Variants in HIF3A observed in about 807,000 individuals in gnomAD.
The protein encoded by HIF3A is hypoxia-inducible factor 3-alpha.
Under a neutral mutation model 67.2 loss-of-function variants are expected in HIF3A, and 41 were observed. That is an observed-to-expected ratio of 0.61 (90% CI 0.48 to 0.79). The LOEUF (loss-of-function observed/expected upper bound fraction) is 0.79, where lower values mean the gene tolerates loss of function less well. Ranked by LOEUF, HIF3A falls within the 30% of genes least tolerant of loss-of-function variation. The pLI is 0.00. For synonymous variants in HIF3A, 356 were observed against 374.8 expected (o/e 0.95, Z 0.58); for missense variants, 855 against 898.0 (o/e 0.95, Z 0.61).
In HIF3A at chr19:46,329,171, A is replaced by G. The variant is rs143740052; in HGVS notation, c.1441-36A>G. On this transcript the variant is annotated intron_variant, in intron 11 of 14. Coordinates refer to ENST00000377670, the MANE Select transcript of HIF3A (RefSeq NM_152795.4). The stretch of plus-strand genomic sequence containing the variant: ...TTCAGCCAAGGTCCACCCAAGTCCA[A>G]GGCTCATCCTCTTACCTCCCTCCTG... 5.0e-5 allele frequency: 77 copies of G among 1,553,606 alleles called. No individual in the cohort carries two copies. The East Asian group carries it at 6.1e-4, about 12-fold the overall frequency.
At chr19:46,334,133 C>T (rs535063589) in intron 13 of HIF3A, among the ~76,000 whole-genome samples, 1 of 151,058 alleles carries the variant, frequency 6.6e-6, no homozygotes, top group Non-Finnish European at 1.5e-5. Flanking sequence ...ACTCTGTCTA[C>T]CAGGCTAGAG....
intron 13 of HIF3A, among the ~76,000 whole-genome samples, chr19:46,333,152 A>C (rs960868774): frequency 2.6e-5 from 4 of 152,170 alleles, no homozygotes. Context: ...TTTAATCCCC[A>C]CAACTACTAT....
In HIF3A at chr19:46,342,516, A is replaced by G. The variant is rs1483400920; in HGVS notation, c.*2894A>G. 1 of 152,054 alleles carries G rather than the reference A, an allele frequency of 6.6e-6. No homozygotes were observed. Among genetic ancestry groups the G allele is most frequent in the Non-Finnish European group, 1.5e-5 (1 of 68,032 alleles). The allele number at this position is 152,054 out of a possible 1,614,324, so 9.4% of individuals were successfully genotyped here. ...TCACCAAAGTGCTGGGACTACAGGC[A>G]TGAGCCACTGAGCCCAGCCAGGCTT... On this transcript the variant is annotated 3_prime_UTR_variant, in exon 15 of 15. Coordinates refer to ENST00000377670, the MANE Select transcript of HIF3A (RefSeq NM_152795.4).
In HIF3A at chr19:46,329,213, G is replaced by A. The variant is rs747548356; in HGVS notation, c.1447G>A (p.Asp483Asn). 7 of 1,604,852 alleles carry A rather than the reference G, an allele frequency of 4.4e-6. No individual in the cohort carries two copies. The East Asian group carries it at 1.6e-4, about 36-fold the overall frequency. Reference protein sequence around the residue: ...ETDLDIAQDADALDLEMLAPY... With the variant: ...ETDLDIAQDANALDLEMLAPY... Reference sequence around the variant, plus strand: ...TCCCTCCTGCCCTCCGCAGGATGCTGATGCTCTGGATTTGGAGATGCTGGC... The same window carrying A: ...TCCCTCCTGCCCTCCGCAGGATGCTAATGCTCTGGATTTGGAGATGCTGGC... The change falls in exon 12 of 15, where the codon GAT (aspartate) becomes AAT (asparagine). Residue 483 changes from aspartate (D) to asparagine (N), a missense_variant. By Grantham distance (23) the Asp-to-Asn change is conservative. This residue lies in a region of HIF3A where 638 missense variants were observed against 660.5 expected (regional missense o/e 0.97). Transcript: ENST00000377670.
chr19:46,308,323 C>CT lies in HIF3A; in HGVS notation c.448+19dup, dbSNP rs762434584. ...CCAGCAGAGTGAGTTCCCTGGAGGC[C>CT]TCTGTCCCCACCATACAGAGGAGGA... is the stretch of plus-strand genomic sequence containing the variant. On this transcript the variant is annotated intron_variant, in intron 4 of 14. Transcript: ENST00000377670. The CT allele has an allele frequency of 4.6e-6, 7 of 1,538,038 alleles. No homozygotes were observed. Among genetic ancestry groups the CT allele is most frequent in the Non-Finnish European group, 6.3e-6 (7 of 1,118,686 alleles).
intron 1 of HIF3A, among the ~76,000 whole-genome samples, chr19:46,302,153 G>A (rs1968393857): frequency 6.6e-6 from 1 of 151,402 alleles, no homozygotes. Flanking sequence ...GTTTTGAGAC[G>A]GAGTCTCACT....
At chr19:46,313,176 A>T in intron 8 of HIF3A, 1 of 568,506 alleles carries the variant, frequency 1.8e-6, no homozygotes, top group Non-Finnish European at 2.2e-6. Flanking sequence ...ATTAGAACCC[A>T]GGTGGTGGAG....
At chr19:46,335,240 A>G (rs1050038965) in intron 14 of HIF3A, among the ~76,000 whole-genome samples, 3 of 150,482 alleles carry the variant, frequency 2.0e-5, no homozygotes, top group Non-Finnish European at 4.4e-5. Flanking sequence ...CTGCACGCCT[A>G]TGATCACATT....
At chr19:46,322,789 C>CA (rs1970473151) in intron 10 of HIF3A, among the ~76,000 whole-genome samples, 1 of 152,022 alleles carries the variant, frequency 6.6e-6, no homozygotes, top group East Asian at 1.9e-4. Context: ...ATCAGGACAA[C>CA]ACTTATTTAG....
intron 1 of HIF3A, chr19:46,298,503 G>A (rs1421120377): frequency 7.8e-7 from 1 of 1,281,774 alleles, no homozygotes; most frequent in Admixed American, 2.4e-5. Flanking sequence ...GCCAACGGGG[G>A]CCTGGGCGAT....
chr19:46,333,004 C>T (rs1971348020), intron 13 of HIF3A, among the ~76,000 whole-genome samples: 1 of 150,658 alleles, frequency 6.6e-6, no homozygotes, highest in African/African-American at 2.4e-5. Context: ...AAAACAACCT[C>T]TCTCTATATA....
chr19:46,329,544 G>A, intron 12 of HIF3A, 66 bp downstream of exon 12: 2 of 1,429,436 alleles, frequency 1.4e-6, no homozygotes, highest in South Asian at 1.5e-5. Context: ...CCTGCCTCCT[G>A]CTTCAGCCTC....
intron 11 of HIF3A, among the ~76,000 whole-genome samples, chr19:46,328,566 A>G (rs578091729): frequency 2.6e-5 from 4 of 152,326 alleles, no homozygotes; most frequent in South Asian, 2.1e-4. Flanking sequence ...TACTTTCCAC[A>G]TAACTGCAGG....
At position 46,321,894 on chromosome 19, in the gene HIF3A, C is replaced by T; in HGVS notation, c.1263C>T (p.Ile421=). Residue 421 remains isoleucine, a synonymous_variant, in exon 10 of 15, where the codon ATC becomes ATT. Transcript: ENST00000377670. ...SPDLRRLLGP[I]LDGASVAATP... Reference sequence around the variant, plus strand: ...ACCTCCGTCGCCTCCTGGGACCCATCCTGGATGGGGCTTCAGTAGCAGCCA... The same window carrying T: ...ACCTCCGTCGCCTCCTGGGACCCATTCTGGATGGGGCTTCAGTAGCAGCCA... 1 of 1,614,012 alleles carries T rather than the reference C, an allele frequency of 6.2e-7. No individual in the cohort carries two copies. Among genetic ancestry groups the T allele is most frequent in the Non-Finnish European group, 8.5e-7 (1 of 1,180,030 alleles).
At chr19:46,311,953 C>T (rs1468054214) in intron 6 of HIF3A, 34 of 750,680 alleles carry the variant, frequency 4.5e-5, no homozygotes, top group East Asian at 9.8e-5. Flanking sequence ...CTACAGATTC[C>T]GGGAATTAGG....
At chr19:46,313,199 C>T in intron 8 of HIF3A, 3 of 697,556 alleles carry the variant, frequency 4.3e-6, no homozygotes, top group South Asian at 1.3e-4. Flanking sequence ...TGCAGTGAGC[C>T]GAGATTGCGT....
intron 11 of HIF3A, among the ~76,000 whole-genome samples, chr19:46,327,614 G>A (rs1970884665): frequency 6.6e-6 from 1 of 152,162 alleles, no homozygotes; most frequent in South Asian, 2.1e-4. Context: ...TGGTTCTCCA[G>A]ACTGCCAAGT....
At chr19:46,312,743 GAGCA>G in intron 8 of HIF3A, 90 bp downstream of exon 8, 1 of 1,497,852 alleles carries the variant, frequency 6.7e-7, no homozygotes, top group African/African-American at 1.4e-5. Context: ...GTGTGCGTAT[GAGCA>G]TGCATGTGTA....
intron 8 of HIF3A, among the ~76,000 whole-genome samples, chr19:46,317,826 T>TA (rs1417724634): frequency 6.6e-6 from 1 of 152,072 alleles, no homozygotes; most frequent in Non-Finnish European, 1.5e-5. Context: ...CTGTAGTACT[T>TA]ACCACTATCT....
Sources: gnomAD v4.1 joint callset for allele counts (sites outside exome capture counted in the v4.1 genomes callset) on GRCh38, gnomAD v4.1.1 for gene constraint, gnomAD v4.1.1 regional missense constraint, MANE v1.5 for transcripts, NCBI Gene and HGNC (gene_info 2026-07-23, HGNC 2026-07-21) for gene names.